TRPC4: variants seen among roughly 807,000 people sequenced by gnomAD.
TRPC4 encodes short transient receptor potential channel 4.
TRPC4 carries 49 observed loss-of-function variants against 99.4 expected under a neutral mutation model. The ratio of observed to expected loss-of-function variants is 0.49; its 90% confidence interval spans 0.39 to 0.63. The LOEUF is 0.63. Ranked by LOEUF, TRPC4 falls within the 20% of genes least tolerant of loss-of-function variation. The pLI is 0.00. For missense variants in TRPC4, 898 were observed against 1,152.9 expected, an observed-to-expected ratio of 0.78 and a Z score of 3.20; for synonymous variants, 454 against 425.9, an observed-to-expected ratio of 1.07 and a Z score of -0.81.
intron 2 of TRPC4, among the ~76,000 whole-genome samples, chr13:37,776,204 T>C (rs548983382): frequency 3.3e-5 from 5 of 151,996 alleles, no homozygotes; most frequent in African/African-American, 1.2e-4. Context: ...AGATTCAATT[T>C]AATTTTTAGA....
chr13:37,725,759 G>A (rs1454795279), intron 3 of TRPC4, among the ~76,000 whole-genome samples: 1 of 152,100 alleles, frequency 6.6e-6, no homozygotes, highest in African/African-American at 2.4e-5. Flanking sequence ...TGGCAAAACT[G>A]TACTTCCAAA....
At chr13:37,643,689 C>A (rs968166367) in intron 8 of TRPC4, among the ~76,000 whole-genome samples, 3 of 152,110 alleles carry the variant, frequency 2.0e-5, no homozygotes, top group African/African-American at 7.2e-5. Flanking sequence ...GGGAAATTAG[C>A]GTGGACTCTT....
intron 2 of TRPC4, among the ~76,000 whole-genome samples, chr13:37,764,150 G>A (rs555575119): frequency 6.6e-6 from 1 of 151,534 alleles, no homozygotes; most frequent in Non-Finnish European, 1.5e-5. Flanking sequence ...GTGGTGTGAC[G>A]GATGCCTGCA....
chr13:37,837,986 C>T (rs1958613676), intron 1 of TRPC4, among the ~76,000 whole-genome samples: 1 of 152,090 alleles, frequency 6.6e-6, no homozygotes, highest in South Asian at 2.1e-4. Context: ...GAGGAGTTTC[C>T]CTGAGTGAAT....
chr13:37,788,236 A>G (rs2139374075), intron 1 of TRPC4, among the ~76,000 whole-genome samples: 1 of 152,142 alleles, frequency 6.6e-6, no homozygotes, highest in East Asian at 1.9e-4. Flanking sequence ...ACTCTCTTTC[A>G]TACCTAAAGC....
intron 3 of TRPC4, among the ~76,000 whole-genome samples, chr13:37,741,480 G>A (rs1453586053): frequency 1.3e-5 from 2 of 152,160 alleles, no homozygotes; most frequent in African/African-American, 4.8e-5. Context: ...TCATTTAGAT[G>A]ATTGGCATCG....
intron 2 of TRPC4, among the ~76,000 whole-genome samples, chr13:37,752,923 A>T (rs1162546434): frequency 6.6e-6 from 1 of 151,960 alleles, no homozygotes; most frequent in African/African-American, 2.4e-5. Flanking sequence ...GCTGGGTGGA[A>T]AAAGGTGTTT....
chr13:37,674,214 T>A lies in TRPC4; in HGVS notation c.1374+14A>T. The A allele has an allele frequency of 6.4e-7, 1 of 1,567,680 alleles. No homozygotes were observed. The highest frequency in any genetic ancestry group is 8.6e-7 in the Non-Finnish European group (1 of 1,159,646). On this transcript the variant is annotated intron_variant, in intron 5 of 10. Transcript: ENST00000379705. ...CAGAACATATGCTTTACCAACAACA[T>A]AAATAATAGTTACCTTTACAAATGC...
chr13:37,655,509 C>G (rs1430640363), intron 6 of TRPC4, among the ~76,000 whole-genome samples: 1 of 151,658 alleles, frequency 6.6e-6, no homozygotes, highest in Non-Finnish European at 1.5e-5. Context: ...CTTAAATTTC[C>G]CAAGAGCTTT....
At chr13:37,814,930 T>G (rs1957804102) in intron 1 of TRPC4, among the ~76,000 whole-genome samples, 1 of 151,816 alleles carries the variant, frequency 6.6e-6, no homozygotes, top group Admixed American at 6.6e-5. Flanking sequence ...ATTTCTAAAC[T>G]TACTAAGAAA....
At chr13:37,707,640 C>G (rs1269385332) in intron 3 of TRPC4, among the ~76,000 whole-genome samples, 1 of 152,098 alleles carries the variant, frequency 6.6e-6, no homozygotes, top group Non-Finnish European at 1.5e-5. Flanking sequence ...CTTCCTACCA[C>G]CACCATAACT....
intron 1 of TRPC4, among the ~76,000 whole-genome samples, chr13:37,802,204 A>G (rs1358043880): frequency 6.6e-6 from 1 of 152,104 alleles, no homozygotes; most frequent in Non-Finnish European, 1.5e-5. Context: ...TAATGCTAGT[A>G]TCTTACATAA....
chr13:37,773,130 T>A (rs905836470), intron 2 of TRPC4, among the ~76,000 whole-genome samples: 3 of 151,722 alleles, frequency 2.0e-5, no homozygotes, highest in African/African-American at 7.3e-5. Context: ...ACTTGCTCCA[T>A]CAAAAGCATG....
intron 1 of TRPC4, among the ~76,000 whole-genome samples, chr13:37,848,181 A>AAAATAGAT: frequency 6.6e-6 from 1 of 152,328 alleles, no homozygotes; most frequent in South Asian, 2.1e-4. Flanking sequence ...CACCATAAAG[A>AAAATAGAT]AAATAGATAA....
At chr13:37,688,535 T>C (rs904018964) in intron 4 of TRPC4, among the ~76,000 whole-genome samples, 10 of 152,172 alleles carry the variant, frequency 6.6e-5, no homozygotes, top group Non-Finnish European at 1.5e-5. Flanking sequence ...TAGATAAACA[T>C]GGACATTTAT....
chr13:37,753,490 T>A (rs1180839235), intron 2 of TRPC4, among the ~76,000 whole-genome samples: 1 of 151,052 alleles, frequency 6.6e-6, no homozygotes, highest in African/African-American at 2.4e-5. Flanking sequence ...GGATTAGACT[T>A]GTAGCCATGG....
chr13:37,649,731 CAAAAAAAAAA>C (rs775364702), intron 8 of TRPC4, among the ~76,000 whole-genome samples: 14 of 62,706 alleles, frequency 2.2e-4, no homozygotes, highest in African/African-American at 7.5e-4. Flanking sequence ...GACTCCGTCT[CAAAAAAAAAA>C]AAAAAAAAAA....
intron 6 of TRPC4, among the ~76,000 whole-genome samples, chr13:37,657,597 G>A (rs1952279577): frequency 6.6e-6 from 1 of 152,160 alleles, no homozygotes; most frequent in East Asian, 1.9e-4. Context: ...AAGGAAAGTT[G>A]TAAGTTAAAT....
At chr13:37,769,241 A>G (rs1593700289) in intron 2 of TRPC4, among the ~76,000 whole-genome samples, 2 of 151,416 alleles carry the variant, frequency 1.3e-5, no homozygotes, top group African/African-American at 2.4e-5. Flanking sequence ...TATTTTTGAA[A>G]GCCTCAAATA....
Sources: allele counts gnomAD v4.1 joint callset (sites outside exome capture counted in the v4.1 genomes callset), GRCh38; gene constraint gnomAD v4.1.1; transcripts MANE v1.5; gene names NCBI Gene and HGNC (gene_info 2026-07-23, HGNC 2026-07-21).